Variants in TMEM117 observed in about 807,000 individuals in gnomAD.
TMEM117 encodes transmembrane protein 117.
Under a neutral mutation model 52.4 loss-of-function variants are expected in TMEM117, and 27 were observed. That is an observed-to-expected ratio of 0.51 (90% CI 0.38 to 0.71). TMEM117 has a LOEUF of 0.71. TMEM117 is among the 30% of genes least tolerant of loss of function. The probability of loss-of-function intolerance (pLI) is 0.00; values close to 1 mark genes in which losing one functional copy is unlikely to be tolerated. For missense variants in TMEM117, 556 were observed against 630.5 expected (o/e 0.88, Z 1.26); for synonymous variants, 215 against 206.3 (o/e 1.04, Z -0.36).
chr12:43,861,846 T>A (rs1943495470), intron 2 of TMEM117, among the ~76,000 whole-genome samples: 1 of 152,242 alleles, frequency 6.6e-6, no homozygotes, highest in Non-Finnish European at 1.5e-5. Flanking sequence ...AGTTATGTAT[T>A]CTGATGGGGG....
intron 6 of TMEM117, among the ~76,000 whole-genome samples, chr12:44,310,226 A>C (rs1950956511): frequency 6.6e-6 from 1 of 152,230 alleles, no homozygotes; most frequent in Non-Finnish European, 1.5e-5. Flanking sequence ...GTTTTAACTA[A>C]GAAAAACTAT....
chr12:44,215,655 C>T (rs1949705332), intron 5 of TMEM117, among the ~76,000 whole-genome samples: 1 of 151,778 alleles, frequency 6.6e-6, no homozygotes, highest in East Asian at 1.9e-4. Flanking sequence ...TTTGTGTACT[C>T]TCTAGAGAAA....
At chr12:44,300,286 A>G (rs1950823533) in intron 6 of TMEM117, among the ~76,000 whole-genome samples, 1 of 152,224 alleles carries the variant, frequency 6.6e-6, no homozygotes. Flanking sequence ...TTTTCATACA[A>G]TAGCATCACA....
intron 3 of TMEM117, chr12:44,009,479 ATCTTCCAG>A (rs986685319): frequency 1.8e-5 from 4 of 224,830 alleles, no homozygotes; most frequent in African/African-American, 9.4e-5. Flanking sequence ...CTGAGATGCC[ATCTTCCAG>A]TCTTTGGTGC....
intron 3 of TMEM117, among the ~76,000 whole-genome samples, chr12:44,122,797 C>T (rs1047037144): frequency 6.6e-6 from 1 of 152,196 alleles, no homozygotes; most frequent in Middle Eastern, 3.2e-3. Context: ...ACCATACTTT[C>T]TTTATCCAGC....
At chr12:44,003,932 G>A (rs562177301) in intron 3 of TMEM117, among the ~76,000 whole-genome samples, 3 of 152,274 alleles carry the variant, frequency 2.0e-5, no homozygotes, top group Non-Finnish European at 4.4e-5. Context: ...GGGCAGACTT[G>A]GCACTAATGA....
chr12:44,143,462 C>T, intron 3 of TMEM117, 63 bp from the exon 4 acceptor site: 1 of 1,289,096 alleles, frequency 7.8e-7, no homozygotes, highest in Non-Finnish European at 1.1e-6. Flanking sequence ...GTTGCTGAAC[C>T]AGAAAGCCTT....
At chr12:44,102,017 G>T (rs1947869589) in intron 3 of TMEM117, among the ~76,000 whole-genome samples, 1 of 151,948 alleles carries the variant, frequency 6.6e-6, no homozygotes, top group Non-Finnish European at 1.5e-5. Context: ...CTTTGAGGTG[G>T]GCTTGGGGGA....
intron 3 of TMEM117, among the ~76,000 whole-genome samples, chr12:44,052,764 G>A (rs1443826507): frequency 6.6e-6 from 1 of 152,128 alleles, no homozygotes; most frequent in Non-Finnish European, 1.5e-5. Flanking sequence ...TCTTCCCCCA[G>A]TGCAGGGACC....
chr12:44,102,109 A>T (rs1032144917), intron 3 of TMEM117, among the ~76,000 whole-genome samples: 1 of 152,052 alleles, frequency 6.6e-6, no homozygotes, highest in Non-Finnish European at 1.5e-5. Flanking sequence ...AAAAGGAACA[A>T]TTATTCAGCC....
At chr12:43,897,540 C>T (rs1376471086) in intron 2 of TMEM117, among the ~76,000 whole-genome samples, 1 of 151,366 alleles carries the variant, frequency 6.6e-6, no homozygotes, top group African/African-American at 2.4e-5. Context: ...GTCTCCATCT[C>T]TTGAACTCGT....
At chr12:44,238,566 CA>C (rs1335388066) in intron 5 of TMEM117, among the ~76,000 whole-genome samples, 3 of 151,928 alleles carry the variant, frequency 2.0e-5, no homozygotes, top group Admixed American at 6.6e-5. Flanking sequence ...ACCAGGAGTT[CA>C]AGACTGTTGT....
chr12:44,022,177 G>A (rs1946465802), intron 3 of TMEM117, among the ~76,000 whole-genome samples: 1 of 152,170 alleles, frequency 6.6e-6, no homozygotes, highest in African/African-American at 2.4e-5. Context: ...AAAGTCAGAA[G>A]CCTTGAGTTT....
intron 2 of TMEM117, among the ~76,000 whole-genome samples, chr12:43,906,106 A>T (rs1944382265): frequency 6.6e-6 from 1 of 152,116 alleles, no homozygotes; most frequent in African/African-American, 2.4e-5. Context: ...TTTCTATTTT[A>T]TTTCTATTAA....
At chr12:43,989,738 G>A (rs778076323) in intron 3 of TMEM117, among the ~76,000 whole-genome samples, 1 of 151,926 alleles carries the variant, frequency 6.6e-6, no homozygotes. Context: ...CTGTTCCTCT[G>A]TTCCTCCAGA....
In TMEM117 at chr12:44,205,189, G is replaced by T. The variant is rs541475725; in HGVS notation, c.511-6101G>T. ...TAATAACCCTCACATGTCAAGGGAG[G>T]TGCCAGTGGAGATAATTAATCATGG... On this transcript the variant is annotated intron_variant, in intron 4 of 7. Transcript: ENST00000266534. 8.5e-5 allele frequency among the ~76,000 whole-genome samples: 13 copies of T among 152,278 alleles called. 1 individual carries two copies. Among genetic ancestry groups the T allele is most frequent in the Admixed American group, 4.6e-4 (7 of 15,288 alleles).
chr12:43,800,155 T>G, the TMEM117 span, among the ~76,000 whole-genome samples: 1 of 152,158 alleles, frequency 6.6e-6, no homozygotes, highest in Non-Finnish European at 1.5e-5. Context: ...TTTCAGTGTT[T>G]CAATTTGTGT....
chr12:43,967,617 G>A (rs915949645), intron 3 of TMEM117, among the ~76,000 whole-genome samples: 12 of 152,124 alleles, frequency 7.9e-5, no homozygotes, highest in Non-Finnish European at 1.3e-4. Flanking sequence ...CCTCATGAGG[G>A]AGTGGAAGCA....
intron 2 of TMEM117, among the ~76,000 whole-genome samples, chr12:43,850,241 T>C (rs1416644393): frequency 6.6e-6 from 1 of 152,206 alleles, no homozygotes; most frequent in Admixed American, 6.5e-5. Context: ...GAAGGATTCA[T>C]GGTAAGTAAA....
Sources: gnomAD v4.1 joint callset for allele counts (sites outside exome capture counted in the v4.1 genomes callset) on GRCh38, gnomAD v4.1.1 for gene constraint, MANE v1.5 for transcripts, NCBI Gene and HGNC (gene_info 2026-07-23, HGNC 2026-07-21) for gene names.